The following DNAH1 variants were observed in gnomAD, a reference collection of about 807,000 sequenced individuals.
The protein encoded by DNAH1 is dynein axonemal heavy chain 1, also known as axonemal beta dynein heavy chain 1.
Under a neutral mutation model 484.3 loss-of-function variants are expected in DNAH1, and 327 were observed. The ratio of observed to expected loss-of-function variants is 0.68; its 90% confidence interval spans 0.62 to 0.74. The LOEUF (loss-of-function observed/expected upper bound fraction) is 0.74. DNAH1 is among the 30% of genes least tolerant of loss of function. The probability of loss-of-function intolerance (pLI) is 0.00; values close to 1 mark genes in which losing one functional copy is unlikely to be tolerated. For missense variants in DNAH1, 5,052 were observed against 5,546.8 expected (o/e 0.91, Z 2.83); for synonymous variants, 2,192 against 2,191.9 (o/e 1.00, Z 0.00).
chr3:52,339,800 G>A (rs2153223507), intron 8 of DNAH1, among the ~76,000 whole-genome samples: 1 of 149,452 alleles, frequency 6.7e-6, no homozygotes, highest in South Asian at 2.1e-4. Context: ...CTCTGTGTGT[G>A]TGTCTGTGTG....
upstream of DNAH1, among the ~76,000 whole-genome samples, chr3:52,313,279 G>T (rs1326528268): frequency 6.6e-6 from 1 of 152,196 alleles, no homozygotes; most frequent in Non-Finnish European, 1.5e-5. Flanking sequence ...TGGCGCAAAA[G>T]GTAGGCCTGC....
rs1578180369 is a variant in DNAH1, at chr3:52,381,778, C to G, written c.7747C>G (p.Leu2583Val). The change falls in exon 49 of 78, where the codon CTC (leucine) becomes GTC (valine). Residue 2583 changes from leucine (L) to valine (V), a missense_variant. Physicochemically the swap from Leu to Val is conservative, Grantham distance 32 (BLOSUM62 1). Around this residue, in one of 4 missense-constraint regions of DNAH1, gnomAD observed 2,929 missense variants for 3,409.4 expected, o/e 0.86. Coordinates refer to ENST00000420323, the MANE Select transcript of DNAH1 (RefSeq NM_015512.5). The surrounding 1 kb of genome is among the most constrained non-coding windows in gnomAD (Gnocchi z 4.1). ...CCTACGCCAGGCGCTGGGCAATGCA[C>G]TCCTGCTGGGCGTGGGTGGCAGCGG... The part of the protein sequence containing the change: ...RTLRQALGNA[L>V]LLGVGGSGRS... 1 of 1,606,338 alleles carries G rather than the reference C, an allele frequency of 6.2e-7. No individual in the cohort carries two copies. The highest frequency in any genetic ancestry group is 8.5e-7 in the Non-Finnish European group (1 of 1,177,222).
chr3:52,343,406 G>A (rs1331215472), intron 8 of DNAH1, among the ~76,000 whole-genome samples: 3 of 152,112 alleles, frequency 2.0e-5, no homozygotes, highest in Admixed American at 2.0e-4. Flanking sequence ...AGATTCCGGG[G>A]TGTGAAGATG....
At chr3:52,348,129 A>T (rs895475307) in intron 12 of DNAH1, among the ~76,000 whole-genome samples, 155 bp downstream of exon 12, 1 of 152,202 alleles carries the variant, frequency 6.6e-6, no homozygotes, top group Admixed American at 6.5e-5. Context: ...ATCCCATTTA[A>T]TCCTCATCAC....
upstream of DNAH1, among the ~76,000 whole-genome samples, chr3:52,312,819 A>C (rs1700834507): frequency 6.6e-6 from 1 of 151,556 alleles, no homozygotes; most frequent in African/African-American, 2.4e-5. Flanking sequence ...CACCTGGCTA[A>C]TTTTTTGTAT....
At chr3:52,350,968 G>A (rs1287663204) in intron 16 of DNAH1, among the ~76,000 whole-genome samples, 1 of 152,220 alleles carries the variant, frequency 6.6e-6, no homozygotes, top group East Asian at 1.9e-4. Context: ...CCCTGCCTCA[G>A]CCTCCTGAGT....
At chr3:52,319,879 C>T (rs1457028500) in intron 1 of DNAH1, among the ~76,000 whole-genome samples, 3 of 152,184 alleles carry the variant, frequency 2.0e-5, no homozygotes, top group South Asian at 2.1e-4. Flanking sequence ...GGACACACCT[C>T]GGTGCATCCC....
In DNAH1 at chr3:52,353,138, A is replaced by C; in HGVS notation, c.3063A>C (p.Gln1021His). Residue 1021 changes from glutamine (Q) to histidine (H), a missense_variant, in exon 19 of 78, where the codon CAA (glutamine) becomes CAC (histidine). Physicochemically the swap from Gln to His is conservative, Grantham distance 24. Coordinates refer to ENST00000420323, the MANE Select transcript of DNAH1 (RefSeq NM_015512.5). This position sits in a 1 kb window ranked among gnomAD's most constrained non-coding sequence, Gnocchi z 5.0. ...TCTCCAGGATGGTGAAGGAGTTCCAACCCTACCTGGACCTTTGGACCACAG... is the reference window on the plus strand; with the variant it reads ...TCTCCAGGATGGTGAAGGAGTTCCACCCCTACCTGGACCTTTGGACCACAG... The part of the protein sequence containing the change: ...DKLSRMVKEF[Q>H]PYLDLWTTAS... The C allele has an allele frequency of 6.2e-7, 1 of 1,613,316 alleles. No homozygotes were observed. The highest frequency in any genetic ancestry group is 8.5e-7 in the Non-Finnish European group (1 of 1,179,572).
chr3:52,394,223 ATTCT>A lies in DNAH1; in HGVS notation c.10627-237_10627-234del, dbSNP rs1704518176. ...GGCCTGGGAAGCAGTCAGCCTTCTG[ATTCT>A]TTCTACTCCCAAATGAGGAGGCAGA... is the stretch of plus-strand genomic sequence containing the variant. On this transcript the variant is annotated intron_variant, in intron 66 of 77. Coordinates refer to ENST00000420323, the MANE Select transcript of DNAH1 (RefSeq NM_015512.5). Among the ~76,000 whole-genome samples, 3 of 152,314 alleles carry A rather than the reference ATTCT, an allele frequency of 2.0e-5. No homozygotes were observed. The South Asian group carries it at 6.2e-4, about 32-fold the overall frequency.
intron 11 of DNAH1, 139 bp from the exon 12 acceptor site, chr3:52,347,685 G>C (rs1702199041): frequency 7.7e-6 from 8 of 1,034,426 alleles, no homozygotes; most frequent in Non-Finnish European, 1.1e-5. Flanking sequence ...TAACTTGGAG[G>C]TGTGTGGGAC....
chr3:52,382,684 AG>A (rs1179095790), intron 50 of DNAH1, among the ~76,000 whole-genome samples: 1 of 152,204 alleles, frequency 6.6e-6, no homozygotes, highest in Non-Finnish European at 1.5e-5. Context: ...CATGCCCCGA[AG>A]GTAAAGAAGG....
At chr3:52,340,500 T>G (rs56357549) in intron 8 of DNAH1, among the ~76,000 whole-genome samples, 29,337 of 151,968 alleles carry the variant, frequency 0.19, 3,328 homozygotes, top group African/African-American at 0.31. Flanking sequence ...AGTGGTGTGA[T>G]CTCAGCTTAC....
In DNAH1 at chr3:52,399,136, G is replaced by T. The variant is rs778908941; in HGVS notation, c.12376G>T (p.Gly4126Cys). The T allele has an allele frequency of 1.2e-6, 2 of 1,613,874 alleles. No individual in the cohort carries two copies. The highest frequency in any genetic ancestry group is 1.3e-5 in the African/African-American group (1 of 74,942). The change falls in exon 76 of 78, where the codon GGC becomes TGC. Residue 4126 changes from glycine to cysteine, a missense_variant. Around this residue, in one of 4 missense-constraint regions of DNAH1, gnomAD observed 853 missense variants for 899.0 expected, o/e 0.95. Transcript: ENST00000420323. ...CTTCTTCCCCCAGGCTTTCTTAACA[G>T]GCACTCTGCAGAATTTTGCCCGCAA... ...GFFFPQAFLT[G>C]TLQNFARKFV... is the part of the protein sequence containing the mutation.
chr3:52,397,087 C>T (rs748124795), intron 73 of DNAH1, 43 bp downstream of exon 73: 1 of 1,515,664 alleles, frequency 6.6e-7, no homozygotes, highest in Non-Finnish European at 8.9e-7. Flanking sequence ...GCCTGCCAGC[C>T]TGGGGTTCTG....
chr3:52,388,761 C>G (rs764216119), intron 58 of DNAH1, 45 bp from the exon 59 acceptor site: 3 of 1,609,638 alleles, frequency 1.9e-6, no homozygotes, highest in Non-Finnish European at 2.5e-6. Context: ...CCCCAGGCCC[C>G]TAGCCCAGCC....
At position 52,354,911 on chromosome 3, in the gene DNAH1, C is replaced by T; in HGVS notation, c.3549C>T (p.Asp1183=). 6.2e-7 allele frequency: 1 copy of T among 1,614,044 alleles called. No homozygotes were observed. The stretch of plus-strand genomic sequence containing the variant: ...ATGTACTGCCCTACAAGGCGACAGA[C>T]ACCTACATCCTGAAGAGCCCGGACG... ...LFNVLPYKAT[D]TYILKSPDEA... The change falls in exon 21 of 78, where the codon GAC becomes GAT. Residue 1183 remains aspartate, a synonymous_variant. Coordinates refer to ENST00000420323, the MANE Select transcript of DNAH1 (RefSeq NM_015512.5).
chr3:52,359,523 C>G, intron 26 of DNAH1, 137 bp downstream of exon 26: 7 of 1,228,130 alleles, frequency 5.7e-6, no homozygotes, highest in Non-Finnish European at 7.8e-6. Context: ...GGTCAGACAC[C>G]CTTGAAGTGT....
intron 1 of DNAH1, among the ~76,000 whole-genome samples, chr3:52,321,122 CTT>C (rs58487465): frequency 1.4e-5 from 2 of 141,668 alleles, no homozygotes. Flanking sequence ...TTTCTTTTTT[CTT>C]TTTTTTTTTG....
chr3:52,399,879 A>C, intron 77 of DNAH1, 100 bp downstream of exon 77: 1 of 1,260,352 alleles, frequency 7.9e-7, no homozygotes, highest in Non-Finnish European at 1.1e-6. Flanking sequence ...TGAACAAGGA[A>C]GGACAACAGA....
Sources: allele counts gnomAD v4.1 joint callset (sites outside exome capture counted in the v4.1 genomes callset), GRCh38; gene constraint gnomAD v4.1.1; regional missense constraint gnomAD v4.1.1; non-coding constraint Gnocchi (gnomAD v3.1); transcripts MANE v1.5; gene names NCBI Gene and HGNC (gene_info 2026-07-23, HGNC 2026-07-21).